The following ATP2C1 variants were observed in gnomAD, a reference collection of about 807,000 sequenced individuals.
The protein encoded by ATP2C1 is calcium-transporting ATPase type 2C member 1.
Under a neutral mutation model 120.5 loss-of-function variants are expected in ATP2C1, and 31 were observed. The observed-to-expected ratio is 0.26, with a 90% CI of 0.19 to 0.35. ATP2C1 has a LOEUF of 0.35. ATP2C1 is among the 10% of genes least tolerant of loss of function. The pLI, the probability that ATP2C1 is intolerant of heterozygous loss-of-function variation, is 1.00. For synonymous variants in ATP2C1, 351 were observed against 358.7 expected, an observed-to-expected ratio of 0.98 and a Z score of 0.24; for missense variants, 731 against 1,107.5, an observed-to-expected ratio of 0.66 and a Z score of 4.83.
intron 8 of ATP2C1, among the ~76,000 whole-genome samples, chr3:130,946,780 G>A (rs1022146408): frequency 6.6e-6 from 1 of 152,242 alleles, no homozygotes; most frequent in East Asian, 1.9e-4. Flanking sequence ...TTGATAAAAT[G>A]TAAGCATGTA....
At chr3:130,855,128 C>G (rs1388628821) in intron 1 of ATP2C1, among the ~76,000 whole-genome samples, 1 of 152,176 alleles carries the variant, frequency 6.6e-6, no homozygotes, top group Non-Finnish European at 1.5e-5. Flanking sequence ...CCCTTCTAAT[C>G]CTGCCAACCA....
At position 130,953,920 on chromosome 3, in the gene ATP2C1, G is replaced by C; in HGVS notation, c.631G>C (p.Ala211Pro). Reference protein sequence around the residue: ...PQPAATNGDLASRSNIAFMGT... With the variant: ...PQPAATNGDLPSRSNIAFMGT... ...GCCAGCTGCAACTAATGGAGATCTT[G>C]CATCGAGAAGTAACATTGCCTTTAT... is the stretch of plus-strand genomic sequence containing the variant. The change falls in exon 9 of 28, where the codon GCA becomes CCA. Residue 211 changes from alanine to proline, a missense_variant. Physicochemically the swap from Ala to Pro is conservative, Grantham distance 27. This residue lies in a region of ATP2C1 where 571 missense variants were observed against 845.9 expected (regional missense o/e 0.67). Coordinates refer to ENST00000510168, the MANE Select transcript of ATP2C1 (RefSeq NM_001378687.1). 1.9e-6 allele frequency: 3 copies of C among 1,614,068 alleles called. No homozygotes were observed. Among genetic ancestry groups the C allele is most frequent in the Non-Finnish European group, 2.5e-6 (3 of 1,179,970 alleles).
chr3:130,898,500 G>C (rs1325674078), intron 2 of ATP2C1, among the ~76,000 whole-genome samples: 1 of 152,102 alleles, frequency 6.6e-6, no homozygotes, highest in East Asian at 1.9e-4. Flanking sequence ...AGTTTATGTT[G>C]TTTGCAGTTT....
intron 20 of ATP2C1, among the ~76,000 whole-genome samples, chr3:130,989,839 G>A (rs527427054): frequency 6.6e-6 from 1 of 152,164 alleles, no homozygotes; most frequent in Non-Finnish European, 1.5e-5. Context: ...TGTGCTACAT[G>A]ATTAATTTCT....
intron 2 of ATP2C1, among the ~76,000 whole-genome samples, chr3:130,902,711 A>ACC (rs201183268): frequency 6.7e-6 from 1 of 148,462 alleles, no homozygotes; most frequent in African/African-American, 2.5e-5. Flanking sequence ...TTCTAACTAG[A>ACC]CCCCCCCCGA....
chr3:131,001,159 A>G lies in ATP2C1; in HGVS notation c.2630-61A>G. ...TTAAAATGCTAGAAAAATGTAAGCT[A>G]TTAAGCTTTGCAACTGTAAGTTTCA... On this transcript the variant is annotated intron_variant, in intron 27 of 27. Transcript: ENST00000510168. 7.3e-6 allele frequency: 10 copies of G among 1,371,948 alleles called. No homozygotes were observed. The South Asian group carries it at 9.3e-5, about 13-fold the overall frequency. 85.0% of individuals were successfully genotyped at this position (1,371,948 alleles called of 1,614,324 possible).
At chr3:130,941,522 A>G in intron 7 of ATP2C1, 69 bp from the exon 8 acceptor site, 2 of 1,333,418 alleles carry the variant, frequency 1.5e-6, no homozygotes, top group East Asian at 2.3e-5. Flanking sequence ...CCTACTGGAA[A>G]TAATTTTTTA....
In ATP2C1 at chr3:130,975,363, C is replaced by T. The variant is rs748959718; in HGVS notation, c.1445C>T (p.Ala482Val). The T allele has an allele frequency of 3.1e-6, 5 of 1,613,634 alleles. No individual in the cohort carries two copies. The highest frequency in any genetic ancestry group is 1.7e-5 in the Admixed American group (1 of 59,972). The part of the protein sequence containing the change: ...DRPEICFMKG[A>V]YEQVIKYCTT... ...CCAGAGATTTGTTTTATGAAAGGTGCTTACGAACAAGTAATTAAGTACTGT... is the reference window on the plus strand; with the variant it reads ...CCAGAGATTTGTTTTATGAAAGGTGTTTACGAACAAGTAATTAAGTACTGT... The change falls in exon 18 of 28, where the codon GCT becomes GTT. Residue 482 changes from alanine (A) to valine (V), a missense_variant. This residue lies in a region of ATP2C1 where 571 missense variants were observed against 845.9 expected (regional missense o/e 0.67). Coordinates refer to ENST00000510168, the MANE Select transcript of ATP2C1 (RefSeq NM_001378687.1).
intron 1 of ATP2C1, among the ~76,000 whole-genome samples, chr3:130,879,901 C>T (rs1490212358): frequency 6.6e-6 from 1 of 152,124 alleles, no homozygotes; most frequent in Non-Finnish European, 1.5e-5. Flanking sequence ...TGAGATGATC[C>T]TTGGGCCCCT....
chr3:130,993,018 C>A lies in ATP2C1; in HGVS notation c.1890+17C>A. ...ATTATTAAGGTGAGTGTGTAAGAAT[C>A]AGATTGTTTTATTTCTGTATACAAA... On this transcript the variant is annotated intron_variant, in intron 21 of 27. Coordinates refer to ENST00000510168, the MANE Select transcript of ATP2C1 (RefSeq NM_001378687.1). The A allele has an allele frequency of 1.2e-6, 2 of 1,606,534 alleles. No individual in the cohort carries two copies. The highest frequency in any genetic ancestry group is 2.2e-5 in the South Asian group (2 of 90,886).
At position 130,967,154 on chromosome 3, in the gene ATP2C1, G is replaced by A. The variant is rs1406621817; in HGVS notation, c.1132G>A (p.Val378Ile). The A allele has an allele frequency of 1.9e-6, 3 of 1,613,136 alleles. No individual in the cohort carries two copies. Among genetic ancestry groups the A allele is most frequent in the East Asian group, 2.2e-5 (1 of 44,840 alleles). Residue 378 changes from valine (V) to isoleucine (I), a missense_variant, in exon 15 of 28, where the codon GTT becomes ATT. Physicochemically the swap from Val to Ile is conservative, Grantham distance 29 (BLOSUM62 3). This residue lies in a region of ATP2C1 where 571 missense variants were observed against 845.9 expected (regional missense o/e 0.67). Coordinates refer to ENST00000510168, the MANE Select transcript of ATP2C1 (RefSeq NM_001378687.1). ...SDGLHAEVTG[V>I]GYNQFGEVIV... ...ACTTTGTGATCTTTAGGTTACTGGAGTTGGCTATAATCAATTTGGGGAAGT... is the reference window on the plus strand; with the variant it reads ...ACTTTGTGATCTTTAGGTTACTGGAATTGGCTATAATCAATTTGGGGAAGT...
At chr3:130,928,435 T>C (rs2059310644) in intron 2 of ATP2C1, among the ~76,000 whole-genome samples, 1 of 152,242 alleles carries the variant, frequency 6.6e-6, no homozygotes, top group Non-Finnish European at 1.5e-5. Flanking sequence ...TGTGTTCAAA[T>C]GTAGACCCTA....
chr3:130,911,256 C>A (rs1265959197), intron 2 of ATP2C1, among the ~76,000 whole-genome samples: 1 of 145,648 alleles, frequency 6.9e-6, no homozygotes, highest in African/African-American at 2.6e-5. Flanking sequence ...GTAGTATTCT[C>A]TGATGGTAGT....
At chr3:130,863,925 C>T (rs1421737404) in intron 1 of ATP2C1, among the ~76,000 whole-genome samples, 3 of 152,130 alleles carry the variant, frequency 2.0e-5, no homozygotes, top group Non-Finnish European at 4.4e-5. Context: ...TTATCAGCAG[C>T]ATGAAAACAG....
At chr3:130,996,433 A>AC (rs2062625480) in intron 23 of ATP2C1, among the ~76,000 whole-genome samples, 1 of 152,192 alleles carries the variant, frequency 6.6e-6, no homozygotes, top group South Asian at 2.1e-4. Flanking sequence ...CAGTTACCAA[A>AC]ATATTGTTGA....
intron 14 of ATP2C1, among the ~76,000 whole-genome samples, chr3:130,966,683 T>C (rs1163465668): frequency 2.0e-5 from 3 of 152,214 alleles, no homozygotes; most frequent in Non-Finnish European, 4.4e-5. Context: ...TAATATGCTG[T>C]GTTAAAGTGA....
intron 1 of ATP2C1, among the ~76,000 whole-genome samples, chr3:130,882,003 A>C (rs963990935): frequency 6.6e-6 from 1 of 152,218 alleles, no homozygotes; most frequent in Non-Finnish European, 1.5e-5. Context: ...GCAAATAAAA[A>C]TAATGAAACT....
chr3:130,928,661 A>G (rs1479810399), intron 2 of ATP2C1, among the ~76,000 whole-genome samples: 1 of 152,222 alleles, frequency 6.6e-6, no homozygotes, highest in Non-Finnish European at 1.5e-5. Context: ...TTGAGCTCTT[A>G]CTAGTGGTAA....
At chr3:130,945,121 G>T (rs1316266819) in intron 8 of ATP2C1, among the ~76,000 whole-genome samples, 1 of 152,060 alleles carries the variant, frequency 6.6e-6, no homozygotes, top group African/African-American at 2.4e-5. Flanking sequence ...TTTCCAGCAG[G>T]AGCCTGAGAG....
Sources: allele counts gnomAD v4.1 joint callset (sites outside exome capture counted in the v4.1 genomes callset), GRCh38; gene constraint gnomAD v4.1.1; regional missense constraint gnomAD v4.1.1; transcripts MANE v1.5; gene names NCBI Gene and HGNC (gene_info 2026-07-23, HGNC 2026-07-21).